DLGAP2: variants seen among roughly 807,000 people sequenced by gnomAD.
The protein encoded by DLGAP2 is disks large-associated protein 2.
DLGAP2 carries 26 observed loss-of-function variants against 100.3 expected under a neutral mutation model. The ratio of observed to expected loss-of-function variants is 0.26; its 90% CI spans 0.19 to 0.36. The LOEUF is 0.36. DLGAP2 is among the 10% of genes least tolerant of loss of function. The pLI is 1.00. For synonymous variants in DLGAP2, 886 were observed against 630.1 expected (o/e 1.41, Z -6.08); for missense variants, 1,858 against 1,453.2 (o/e 1.28, Z -4.53).
At chr8:1,192,796 A>G (rs1044137450) in intron 2 of DLGAP2, among the ~76,000 whole-genome samples, 2 of 151,534 alleles carry the variant, frequency 1.3e-5, no homozygotes, top group Non-Finnish European at 2.9e-5. Context: ...AACATTAGGT[A>G]TATCTCCTAA....
intron 3 of DLGAP2, chr8:1,369,006 C>T (rs756174288): frequency 9.2e-5 from 14 of 152,304 alleles, no homozygotes; most frequent in South Asian, 6.2e-4. Context: ...ACGTGACGCC[C>T]GGTGCCCGGA....
At chr8:1,514,186 G>A (rs1422023622) in intron 4 of DLGAP2, among the ~76,000 whole-genome samples, 1 of 152,264 alleles carries the variant, frequency 6.6e-6, no homozygotes, top group South Asian at 2.1e-4. Flanking sequence ...ACGGGAAAGA[G>A]GAATTGTACA....
At chr8:959,810 A>G (rs940380021) in intron 2 of DLGAP2, among the ~76,000 whole-genome samples, 1 of 152,216 alleles carries the variant, frequency 6.6e-6, no homozygotes, top group Non-Finnish European at 1.5e-5. Context: ...ATTCTCATTT[A>G]TAAGAAACAT....
intron 8 of DLGAP2, among the ~76,000 whole-genome samples, chr8:1,644,546 G>A (rs1797994076): frequency 6.6e-6 from 1 of 152,220 alleles, no homozygotes; most frequent in South Asian, 2.1e-4. Flanking sequence ...GGAAGCGGCA[G>A]AGACGCGCTC....
chr8:1,026,423 C>G (rs1801802022), intron 2 of DLGAP2, among the ~76,000 whole-genome samples: 2 of 152,194 alleles, frequency 1.3e-5, no homozygotes, highest in African/African-American at 4.8e-5. Flanking sequence ...GCCGCCTTGG[C>G]TGCACCCTGG....
chr8:890,548 C>G (rs1246467076), intron 1 of DLGAP2, among the ~76,000 whole-genome samples: 1 of 151,760 alleles, frequency 6.6e-6, no homozygotes, highest in Non-Finnish European at 1.5e-5. Context: ...GTCTCGATGG[C>G]GCCTCCTCCT....
At chr8:1,193,360 C>G (rs568944159) in intron 2 of DLGAP2, among the ~76,000 whole-genome samples, 3 of 152,186 alleles carry the variant, frequency 2.0e-5, no homozygotes, top group Non-Finnish European at 2.9e-5. Context: ...TTAATGATCG[C>G]CATTCTAACT....
chr8:1,690,830 A>C (rs940324449), intron 12 of DLGAP2, among the ~76,000 whole-genome samples: 4 of 152,176 alleles, frequency 2.6e-5, no homozygotes, highest in Admixed American at 2.6e-4. Context: ...GCACACTCAG[A>C]AATGTAGCGT....
At chr8:1,687,447 T>C (rs891056344) in intron 12 of DLGAP2, among the ~76,000 whole-genome samples, 1 of 152,210 alleles carries the variant, frequency 6.6e-6, no homozygotes, top group Non-Finnish European at 1.5e-5. Flanking sequence ...AGAGAATAAA[T>C]TGAATTTTCA....
chr8:1,348,778 C>T (rs1801633645), intron 3 of DLGAP2, among the ~76,000 whole-genome samples: 2 of 152,204 alleles, frequency 1.3e-5, no homozygotes, highest in African/African-American at 4.8e-5. Flanking sequence ...AGGAGCCAAC[C>T]CATTGTGTAT....
chr8:1,318,108 C>G (rs1175581557), intron 3 of DLGAP2, among the ~76,000 whole-genome samples: 1 of 93,220 alleles, frequency 1.1e-5, no homozygotes, highest in Admixed American at 1.2e-4. Flanking sequence ...CAGCGTCTCT[C>G]CAACAGTGGT....
chr8:997,302 A>G (rs1461598878), intron 2 of DLGAP2, among the ~76,000 whole-genome samples: 1 of 152,204 alleles, frequency 6.6e-6, no homozygotes, highest in Admixed American at 6.5e-5. Flanking sequence ...ATTACAAAAT[A>G]TTACATTCAA....
intron 6 of DLGAP2, among the ~76,000 whole-genome samples, chr8:1,618,757 G>C (rs1050030274): frequency 1.3e-5 from 2 of 152,072 alleles, no homozygotes; most frequent in African/African-American, 4.8e-5. Context: ...CTCATTGGGG[G>C]GATCTCCGTG....
intron 1 of DLGAP2, among the ~76,000 whole-genome samples, chr8:799,481 C>G (rs573833095): frequency 1.3e-5 from 2 of 152,300 alleles, no homozygotes; most frequent in East Asian, 1.9e-4. Flanking sequence ...TTGGCAAATT[C>G]AGCTTACTTC....
chr8:1,343,700 T>C lies in DLGAP2; in HGVS notation c.106+84817T>C, dbSNP rs900743430. On this transcript the variant is annotated intron_variant, in intron 3 of 14. Transcript: ENST00000637795. Reference sequence around the variant, plus strand: ...GTCAGCTTTTGGAGCAGTTTGCATCTGGGGGGTCGTGGGGGGTGTTAGAGG... The same window carrying C: ...GTCAGCTTTTGGAGCAGTTTGCATCCGGGGGGTCGTGGGGGGTGTTAGAGG... Among the ~76,000 whole-genome samples the C allele has an allele frequency of 7.3e-5, 9 of 123,076 alleles. No individual in the cohort carries two copies. In the Admixed American group the frequency reaches 8.3e-4, roughly 11 times the overall value. 80.7% of individuals were successfully genotyped at this position (123,076 alleles called of 152,430 possible). A position where few individuals can be genotyped will look rare whatever the true frequency, so the allele number is the denominator to read the frequency against.
chr8:903,312 C>G (rs923775844), intron 1 of DLGAP2, among the ~76,000 whole-genome samples: 4 of 152,096 alleles, frequency 2.6e-5, no homozygotes, highest in African/African-American at 9.6e-5. Context: ...GGCGTCCTGC[C>G]CACTGGTTCA....
chr8:863,285 A>G (rs534428705), intron 1 of DLGAP2, among the ~76,000 whole-genome samples: 75 of 152,350 alleles, frequency 4.9e-4, no homozygotes, highest in African/African-American at 1.8e-3. Flanking sequence ...GATACCAATG[A>G]CATGGATTTC....
At chr8:1,691,322 C>T (rs376178724) in intron 12 of DLGAP2, among the ~76,000 whole-genome samples, 14 of 152,278 alleles carry the variant, frequency 9.2e-5, no homozygotes, top group African/African-American at 2.9e-4. Context: ...GGAGAATGTC[C>T]TCACAGTGAC....
intron 1 of DLGAP2, among the ~76,000 whole-genome samples, chr8:871,593 A>G (rs117603268): frequency 0.016 from 2,462 of 152,364 alleles, 30 homozygotes; most frequent in Non-Finnish European, 0.024. Flanking sequence ...CAAAACCTTT[A>G]GAGAGCTGAC....
Sources: gnomAD v4.1 joint callset for allele counts (sites outside exome capture counted in the v4.1 genomes callset) on GRCh38, gnomAD v4.1.1 for gene constraint, MANE v1.5 for transcripts, NCBI Gene and HGNC (gene_info 2026-07-23, HGNC 2026-07-21) for gene names.